Variants in PRUNE2 observed in about 807,000 individuals in gnomAD.
PRUNE2 encodes protein prune homolog 2.
PRUNE2 carries 164 observed loss-of-function variants against 252.0 expected under a neutral mutation model. The observed-to-expected ratio is 0.65, with a 90% CI of 0.57 to 0.74. The LOEUF is 0.74. Ranked by LOEUF, PRUNE2 falls within the 30% of genes least tolerant of loss-of-function variation. The pLI, the probability that PRUNE2 is intolerant of heterozygous loss-of-function variation, is 0.00. For missense variants in PRUNE2, 3,495 were observed against 3,711.0 expected (o/e 0.94, Z 1.51); for synonymous variants, 1,292 against 1,350.2 (o/e 0.96, Z 0.94).
chr9:76,838,856 G>A (rs2059220856), intron 4 of PRUNE2, among the ~76,000 whole-genome samples: 1 of 152,074 alleles, frequency 6.6e-6, no homozygotes, highest in Non-Finnish European at 1.5e-5. Context: ...ATTGTTAAAA[G>A]GGTGCTCGCT....
chr9:76,892,487 T>C (rs2062544590), intron 1 of PRUNE2, among the ~76,000 whole-genome samples: 1 of 152,204 alleles, frequency 6.6e-6, no homozygotes, highest in Non-Finnish European at 1.5e-5. Context: ...TGCAAAGATG[T>C]TTGTCGTAGT....
chr9:76,643,182 G>A (rs1174131859), intron 12 of PRUNE2, among the ~76,000 whole-genome samples: 3 of 152,122 alleles, frequency 2.0e-5, no homozygotes, highest in Admixed American at 6.5e-5. Context: ...ACAAGCAGGC[G>A]AGTCTACTGG....
At chr9:76,626,211 C>T (rs914400945) in intron 16 of PRUNE2, among the ~76,000 whole-genome samples, 7 of 152,218 alleles carry the variant, frequency 4.6e-5, no homozygotes, top group African/African-American at 1.7e-4. Flanking sequence ...CTTTATAGAA[C>T]ATAACTGCCA....
chr9:76,676,986 C>G (rs1022321239), intron 9 of PRUNE2, among the ~76,000 whole-genome samples: 12 of 152,204 alleles, frequency 7.9e-5, no homozygotes, highest in Non-Finnish European at 1.6e-4. Flanking sequence ...CAAATATTTT[C>G]TGAAGGTCCG....
In PRUNE2 at chr9:76,612,830, G is replaced by A. The variant is rs1228688057; in HGVS notation, c.*1740C>T. The A allele has an allele frequency of 6.6e-6, 1 of 152,180 alleles. No individual in the cohort carries two copies. Among genetic ancestry groups the A allele is most frequent in the Non-Finnish European group, 1.5e-5 (1 of 68,070 alleles). The allele number at this position is 152,180 out of a possible 1,614,324, so 9.4% of individuals were successfully genotyped here. A position where few individuals can be genotyped will look rare whatever the true frequency, so the allele number is the denominator to read the frequency against. ...ACTCAATCACCTGTGCAAAGATGTCGACTTTAAAGTAGTTACAAGCTCCTT... is the reference window on the plus strand; with the variant it reads ...ACTCAATCACCTGTGCAAAGATGTCAACTTTAAAGTAGTTACAAGCTCCTT... On this transcript the variant is annotated 3_prime_UTR_variant, in exon 19 of 19. Coordinates refer to ENST00000376718, the MANE Select transcript of PRUNE2 (RefSeq NM_015225.3).
intron 17 of PRUNE2, among the ~76,000 whole-genome samples, 166 bp from the exon 18 acceptor site, chr9:76,619,553 T>C (rs777504941): frequency 5.9e-5 from 9 of 152,226 alleles, no homozygotes; most frequent in South Asian, 2.1e-4. Context: ...ACCCTTACCA[T>C]TGGTTTTGAA....
chr9:76,628,585 AG>A (rs2132286329), intron 16 of PRUNE2, among the ~76,000 whole-genome samples: 4 of 152,380 alleles, frequency 2.6e-5, no homozygotes, highest in African/African-American at 9.6e-5. Flanking sequence ...ACTGTTAACC[AG>A]TAGAGACAGT....
intron 1 of PRUNE2, among the ~76,000 whole-genome samples, chr9:76,868,543 C>G (rs1232053192): frequency 2.6e-5 from 4 of 152,086 alleles, no homozygotes; most frequent in Non-Finnish European, 5.9e-5. Flanking sequence ...ATAGAACCCT[C>G]CCCTCTCCCC....
intron 9 of PRUNE2, among the ~76,000 whole-genome samples, chr9:76,670,981 T>C (rs1023812891): frequency 4.6e-5 from 7 of 152,042 alleles, no homozygotes; most frequent in Non-Finnish European, 8.8e-5. Context: ...CTGGAAACTC[T>C]AAAAAGCAGA....
intron 9 of PRUNE2, among the ~76,000 whole-genome samples, chr9:76,671,114 G>C (rs906254425): frequency 6.6e-6 from 1 of 151,904 alleles, no homozygotes; most frequent in Non-Finnish European, 1.5e-5. Context: ...TGAGCTACAG[G>C]AGGACATCCA....
chr9:76,796,952 G>A lies in PRUNE2; in HGVS notation c.756+26680C>T, dbSNP rs190057014. On this transcript the variant is annotated intron_variant, in intron 6 of 18. Coordinates refer to ENST00000376718, the MANE Select transcript of PRUNE2 (RefSeq NM_015225.3). The stretch of plus-strand genomic sequence containing the variant: ...CTTTCAGATCAAAATTAATCTAGAC[G>A]CTGTTGGCTCTGTCTCTCTGAAGAA... Among the ~76,000 whole-genome samples, 587 of 152,154 alleles carry A rather than the reference G, an allele frequency of 3.9e-3. 6 individuals are homozygous for A. Among genetic ancestry groups the A allele is most frequent in the African/African-American group, 0.014 (562 of 41,506 alleles).
chr9:76,708,751 AG>A lies in PRUNE2; in HGVS notation c.3522del (p.Trp1175GlyfsTer11). On this transcript the variant is annotated frameshift_variant, in exon 8 of 19. Coordinates refer to ENST00000376718, the MANE Select transcript of PRUNE2 (RefSeq NM_015225.3). LOFTEE classifies it high-confidence loss of function. The stretch of plus-strand genomic sequence containing the variant: ...TTTGCTTCCTGATACTCCAAGCCCC[AG>A]GGTTCCAGCTGTCTCACTGTAAATC... Reference protein sequence around the residue: ...ETRFTVRQLEPWGLEYQEANQ... With the variant: ...ETRFTVRQLEXWGLEYQEANQ... The A allele has an allele frequency of 6.2e-7, 1 of 1,613,990 alleles. No individual in the cohort carries two copies. Among genetic ancestry groups the A allele is most frequent in the South Asian group, 1.1e-5 (1 of 91,078 alleles).
intron 9 of PRUNE2, among the ~76,000 whole-genome samples, chr9:76,669,257 C>G (rs887845909): frequency 1.3e-5 from 2 of 152,026 alleles, no homozygotes; most frequent in Non-Finnish European, 2.9e-5. Flanking sequence ...ACACTGTGTA[C>G]AAGATCACAC....
At chr9:76,721,406 C>A (rs2047636059) in intron 6 of PRUNE2, among the ~76,000 whole-genome samples, 1 of 152,170 alleles carries the variant, frequency 6.6e-6, no homozygotes, top group Non-Finnish European at 1.5e-5. Flanking sequence ...ATAGTGTTGT[C>A]TTCCTCACAA....
chr9:76,678,013 C>T (rs143135096), intron 9 of PRUNE2, among the ~76,000 whole-genome samples: 22 of 152,318 alleles, frequency 1.4e-4, no homozygotes, highest in African/African-American at 5.3e-4. Context: ...AGAGAACCAG[C>T]TCCACAGATC....
Position 76,706,689 on chromosome 9 carries a change from T to A in PRUNE2, c.5585A>T (p.His1862Leu). 1 of 1,613,644 alleles carries A rather than the reference T, an allele frequency of 6.2e-7. No homozygotes were observed. Among genetic ancestry groups the A allele is most frequent in the Admixed American group, 1.7e-5 (1 of 59,960 alleles). Residue 1862 changes from histidine to leucine, a missense_variant, in exon 8 of 19, where the codon CAC becomes CTC. His to Leu is a moderately conservative substitution (Grantham distance 99). Coordinates refer to ENST00000376718, the MANE Select transcript of PRUNE2 (RefSeq NM_015225.3). ...SGVLEINSSV[H>L]QNASPWGVPV... ...TACTCCCCAGGGACTGGCATTTTGGTGTACTGAAGAATTTATCTCCAACAC... is the reference window on the plus strand; with the variant it reads ...TACTCCCCAGGGACTGGCATTTTGGAGTACTGAAGAATTTATCTCCAACAC...
intron 9 of PRUNE2, among the ~76,000 whole-genome samples, chr9:76,682,279 T>C (rs1010400108): frequency 9.9e-5 from 15 of 151,214 alleles, no homozygotes; most frequent in African/African-American, 2.9e-4. Flanking sequence ...ATATATTTTA[T>C]ATATAAAAAT....
intron 1 of PRUNE2, among the ~76,000 whole-genome samples, chr9:76,893,706 T>TA (rs2062633447): frequency 6.6e-6 from 1 of 152,230 alleles, no homozygotes; most frequent in Non-Finnish European, 1.5e-5. Flanking sequence ...TTGTTCCCCA[T>TA]AAGGCTCAAA....
chr9:76,849,550 G>A (rs2132521851), intron 3 of PRUNE2, among the ~76,000 whole-genome samples: 1 of 152,258 alleles, frequency 6.6e-6, no homozygotes, highest in East Asian at 1.9e-4. Flanking sequence ...TTTAGGCCAG[G>A]TGTGATGGCT....
Sources: allele counts gnomAD v4.1 joint callset (sites outside exome capture counted in the v4.1 genomes callset), GRCh38; gene constraint gnomAD v4.1.1; transcripts MANE v1.5; gene names NCBI Gene and HGNC (gene_info 2026-07-23, HGNC 2026-07-21).